Variants in ST8SIA2 observed in about 807,000 individuals in gnomAD.
ST8SIA2 encodes alpha-2,8-sialyltransferase 8B.
In ST8SIA2, 22 loss-of-function variants were observed where a neutral mutation model predicts 37.6. That is an observed-to-expected ratio of 0.58 (90% CI 0.42 to 0.83). ST8SIA2 has a LOEUF of 0.83. Among genes scored for constraint, ST8SIA2 ranks in the 40% least tolerant of loss-of-function variants. The pLI is 0.00. For missense variants in ST8SIA2, 382 were observed against 484.7 expected (o/e 0.79, Z 1.99); for synonymous variants, 205 against 201.2 (o/e 1.02, Z -0.16).
intron 5 of ST8SIA2, among the ~76,000 whole-genome samples, chr15:92,449,971 A>G (rs1178203007): frequency 6.6e-6 from 1 of 152,176 alleles, no homozygotes; most frequent in Non-Finnish European, 1.5e-5. Flanking sequence ...AGCATTGTTA[A>G]TTGTACATTT....
intron 1 of ST8SIA2, among the ~76,000 whole-genome samples, chr15:92,401,409 G>T (rs1237275516): frequency 1.3e-5 from 2 of 152,228 alleles, no homozygotes; most frequent in East Asian, 3.9e-4. Context: ...TTATCACCCA[G>T]CTAGGAAGCT....
intron 5 of ST8SIA2, among the ~76,000 whole-genome samples, chr15:92,455,233 G>A (rs767605827): frequency 1.3e-5 from 2 of 152,100 alleles, no homozygotes; most frequent in Admixed American, 1.3e-4. Flanking sequence ...AGTCTCCTCC[G>A]GTTGACAGAG....
rs571040821 is a variant in ST8SIA2 at position 92,444,524 on chromosome 15, C to G, written c.549-112C>G. The G allele has an allele frequency of 5.2e-5, 71 of 1,358,866 alleles. No individual in the cohort carries two copies. The African/African-American group carries it at 7.5e-4, about 14-fold the overall frequency. 84.2% of individuals were successfully genotyped at this position (1,358,866 alleles called of 1,614,324 possible). On this transcript the variant is annotated intron_variant, in intron 4 of 5. Coordinates refer to ENST00000268164, the MANE Select transcript of ST8SIA2 (RefSeq NM_006011.4). Reference sequence around the variant, plus strand: ...GTGAGTGTGGAGAGATGCCCTGGGTCTTTGTTTGGGGATGAGAAAGAAGCA... The same window carrying G: ...GTGAGTGTGGAGAGATGCCCTGGGTGTTTGTTTGGGGATGAGAAAGAAGCA...
chr15:92,412,740 C>T (rs147919374), intron 1 of ST8SIA2, among the ~76,000 whole-genome samples: 1,683 of 152,312 alleles, frequency 0.011, 38 homozygotes, highest in African/African-American at 0.038. Flanking sequence ...TCACTGCAAC[C>T]ACTGCCTCCC....
chr15:92,403,859 G>A (rs925683056), intron 1 of ST8SIA2, among the ~76,000 whole-genome samples: 1 of 152,174 alleles, frequency 6.6e-6, no homozygotes, highest in Non-Finnish European at 1.5e-5. Flanking sequence ...TTAGTTCCCA[G>A]GAGAAGCAAA....
chr15:92,458,090 C>T (rs2049932246), intron 5 of ST8SIA2, among the ~76,000 whole-genome samples: 1 of 152,184 alleles, frequency 6.6e-6, no homozygotes, highest in African/African-American at 2.4e-5. Context: ...GATAATCAAT[C>T]CTAGGCTATG....
chr15:92,425,994 A>G (rs1296470612), intron 1 of ST8SIA2, among the ~76,000 whole-genome samples: 1 of 152,186 alleles, frequency 6.6e-6, no homozygotes, highest in African/African-American at 2.4e-5. Flanking sequence ...ATGTCAAAGC[A>G]TTGGAATACA....
chr15:92,465,549 T>C lies in ST8SIA2; in HGVS notation c.*1164T>C, dbSNP rs2049986265. 1 of 152,246 alleles carries C rather than the reference T, an allele frequency of 6.6e-6. No homozygotes were observed. The highest frequency in any genetic ancestry group is 2.4e-5 in the African/African-American group (1 of 41,448). The allele number at this position is 152,246 out of a possible 1,614,324, so 9.4% of individuals were successfully genotyped here. ...TCTGCATTCTGCACTCTGCGGGGCC[T>C]TTGCAGCCAGACTGCTGTGTCAATG... On this transcript the variant is annotated 3_prime_UTR_variant, in exon 6 of 6. Transcript: ENST00000268164.
At chr15:92,402,258 C>A (rs1406193590) in intron 1 of ST8SIA2, among the ~76,000 whole-genome samples, 2 of 152,196 alleles carry the variant, frequency 1.3e-5, no homozygotes, top group Non-Finnish European at 2.9e-5. Context: ...CTGATGCCAG[C>A]AGAGAATAAC....
chr15:92,416,972 C>T (rs1386437231), intron 1 of ST8SIA2, among the ~76,000 whole-genome samples: 1 of 152,230 alleles, frequency 6.6e-6, no homozygotes, highest in East Asian at 1.9e-4. Flanking sequence ...TCAAAACCAA[C>T]TTACCCAAGG....
intron 2 of ST8SIA2, 71 bp from the exon 3 acceptor site, chr15:92,434,176 A>G: frequency 1.2e-6 from 2 of 1,606,834 alleles, no homozygotes; most frequent in Non-Finnish European, 1.7e-6. Context: ...GTGCAAAAAC[A>G]AAACTATTAG....
rs1233044405 is a variant in ST8SIA2 at position 92,464,813 on chromosome 15, G to A, written c.*428G>A. 1 of 208,458 alleles carries A rather than the reference G, an allele frequency of 4.8e-6. No individual in the cohort carries two copies. Among genetic ancestry groups the A allele is most frequent in the Non-Finnish European group, 9.8e-6 (1 of 102,148 alleles). The allele number at this position is 208,458 out of a possible 1,614,324, so 12.9% of individuals were successfully genotyped here. On this transcript the variant is annotated 3_prime_UTR_variant, in exon 6 of 6. Transcript: ENST00000268164. ...AGCCTCTGGGATATGTGGATTCGGA[G>A]AAAGCTGAGGCCCAGAGGGGACACT...
At chr15:92,431,490 T>C (rs1393014967) in intron 2 of ST8SIA2, among the ~76,000 whole-genome samples, 5 of 152,210 alleles carry the variant, frequency 3.3e-5, no homozygotes, top group Non-Finnish European at 5.9e-5. Context: ...AGGTACTTAT[T>C]TGATGCTTGT....
chr15:92,442,127 T>TG (rs1024983227), intron 4 of ST8SIA2, among the ~76,000 whole-genome samples: 1 of 152,138 alleles, frequency 6.6e-6, no homozygotes, highest in African/African-American at 2.4e-5. Context: ...TCACATCTGG[T>TG]GGGGAAGGAA....
At chr15:92,395,443 C>T (rs531091618) in intron 1 of ST8SIA2, among the ~76,000 whole-genome samples, 91 of 152,318 alleles carry the variant, frequency 6.0e-4, no homozygotes, top group Admixed American at 1.1e-3. Flanking sequence ...GTGCCGCTTC[C>T]TGCTCTCATT....
chr15:92,407,342 C>G (rs1220902704), intron 1 of ST8SIA2, among the ~76,000 whole-genome samples: 2 of 152,126 alleles, frequency 1.3e-5, no homozygotes, highest in African/African-American at 2.4e-5. Context: ...AGATCTTAAC[C>G]GAGGGTTGAA....
intron 5 of ST8SIA2, among the ~76,000 whole-genome samples, chr15:92,457,758 C>G (rs181327328): frequency 7.9e-5 from 12 of 152,140 alleles, no homozygotes; most frequent in Non-Finnish European, 1.6e-4. Flanking sequence ...CGTTAAGTGG[C>G]GCTCCCGTGT....
At chr15:92,453,074 A>T (rs908993927) in intron 5 of ST8SIA2, among the ~76,000 whole-genome samples, 1 of 152,124 alleles carries the variant, frequency 6.6e-6, no homozygotes, top group Non-Finnish European at 1.5e-5. Flanking sequence ...CTGAAACCCA[A>T]GCAGAAGGCC....
chr15:92,436,935 C>T (rs941579570), intron 3 of ST8SIA2, among the ~76,000 whole-genome samples: 1 of 152,132 alleles, frequency 6.6e-6, no homozygotes, highest in Non-Finnish European at 1.5e-5. Flanking sequence ...CTGGGCCACT[C>T]TCAGAATCAA....
Sources: gnomAD v4.1 joint callset for allele counts (sites outside exome capture counted in the v4.1 genomes callset) on GRCh38, gnomAD v4.1.1 for gene constraint, MANE v1.5 for transcripts, NCBI Gene and HGNC (gene_info 2026-07-23, HGNC 2026-07-21) for gene names.